The following SLC38A6 variants were observed in gnomAD, a reference collection of about 807,000 sequenced individuals.
SLC38A6 encodes the protein solute carrier family 38 member 6.
In SLC38A6, 73 loss-of-function variants were observed where a neutral mutation model predicts 65.0. The ratio of observed to expected loss-of-function variants is 1.12; its 90% CI spans 0.93 to 1.37. SLC38A6 has a LOEUF of 1.37. Among genes scored for constraint, SLC38A6 ranks in the 40% most tolerant of loss-of-function variants. SLC38A6 has a pLI of 0.00. For synonymous variants in SLC38A6, 183 were observed against 178.8 expected (o/e 1.02, Z -0.19); for missense variants, 561 against 531.1 (o/e 1.06, Z -0.55).
intron 12 of SLC38A6, among the ~76,000 whole-genome samples, chr14:61,048,594 A>T (rs1419173499): frequency 6.6e-6 from 1 of 152,184 alleles, no homozygotes; most frequent in Non-Finnish European, 1.5e-5. Flanking sequence ...GACATGTGAC[A>T]TCTATTTTGA....
At chr14:61,048,792 A>G (rs1328540029) in intron 12 of SLC38A6, among the ~76,000 whole-genome samples, 1 of 152,190 alleles carries the variant, frequency 6.6e-6, no homozygotes, top group East Asian at 1.9e-4. Flanking sequence ...GAGCCAGGCC[A>G]GTGCCCAAAT....
At chr14:61,020,307 T>C (rs530260871) in intron 5 of SLC38A6, among the ~76,000 whole-genome samples, 27 of 152,198 alleles carry the variant, frequency 1.8e-4, no homozygotes, top group African/African-American at 5.8e-4. Flanking sequence ...ATAAATGCTC[T>C]TAAAGGAAAA....
At chr14:61,005,483 G>C (rs550443507) in intron 3 of SLC38A6, among the ~76,000 whole-genome samples, 128 of 150,246 alleles carry the variant, frequency 8.5e-4, no homozygotes, top group African/African-American at 2.9e-3. Flanking sequence ...CTTCAGCAAA[G>C]TCTCAGGATA....
rs550138758 is a variant in SLC38A6, at chr14:61,063,019, T to C, written c.1290+10884T>C. Among the ~76,000 whole-genome samples, 685 of 152,314 alleles carry C rather than the reference T, an allele frequency of 4.5e-3. 4 individuals are homozygous for C. The highest frequency in any genetic ancestry group is 7.1e-3 in the Non-Finnish European group (480 of 68,032). On this transcript the variant is annotated intron_variant, in intron 15 of 16. Transcript: ENST00000354886. ...TATGTGTTTTGCAAAGATTTTTTTT[T>C]CCCCATTTTGTGGCTTGCTGTTTTA...
rs760270282 is a variant in SLC38A6, at chr14:61,047,945, AGAT to A, written c.925+1782_925+1784del. Among the ~76,000 whole-genome samples, 146 of 152,112 alleles carry A rather than the reference AGAT, an allele frequency of 9.6e-4. No homozygotes were observed. In the Middle Eastern group the frequency reaches 0.014, roughly 14 times the overall value. On this transcript the variant is annotated intron_variant, in intron 12 of 15. Transcript: ENST00000267488. ...TAGGCAGATAGATGGGTGGATGAAT[AGAT>A]GATAGATTAGATAGATAGATAGATA...
intron 5 of SLC38A6, among the ~76,000 whole-genome samples, chr14:61,022,544 ATTT>A (rs2040399571): frequency 1.3e-5 from 2 of 151,108 alleles, no homozygotes; most frequent in South Asian, 4.2e-4. Flanking sequence ...ATTAAAATGG[ATTT>A]TGATTATTTT....
chr14:60,997,654 G>C (rs1368398000), intron 3 of SLC38A6, among the ~76,000 whole-genome samples: 1 of 152,164 alleles, frequency 6.6e-6, no homozygotes, highest in Admixed American at 6.6e-5. Context: ...GAATAAAATA[G>C]GGATTGAACC....
In SLC38A6 at chr14:61,066,931, T is replaced by C. The variant is rs144798831; in HGVS notation, c.1291-11879T>C. Among the ~76,000 whole-genome samples, 232 of 152,216 alleles carry C rather than the reference T, an allele frequency of 1.5e-3. 1 individual carries two copies. Among genetic ancestry groups the C allele is most frequent in the African/African-American group, 5.4e-3 (223 of 41,546 alleles). On this transcript the variant is annotated intron_variant, in intron 15 of 16. Coordinates refer to the SLC38A6 transcript ENST00000354886. The stretch of plus-strand genomic sequence containing the variant: ...TCATTCAGCAAATTCTTAGCACATA[T>C]TATGTCCTAGAAGTTGAGCTAGTCC...
At chr14:61,033,179 T>TA (rs930897463) in intron 6 of SLC38A6, among the ~76,000 whole-genome samples, 17 of 152,038 alleles carry the variant, frequency 1.1e-4, no homozygotes, top group Non-Finnish European at 2.1e-4. Context: ...ACATAATTGA[T>TA]ATGGGATGTG....
At chr14:61,006,906 A>G (rs985712103) in intron 3 of SLC38A6, among the ~76,000 whole-genome samples, 3 of 152,210 alleles carry the variant, frequency 2.0e-5, no homozygotes, top group Non-Finnish European at 2.9e-5. Flanking sequence ...CACAATAGCA[A>G]AGACTTGGAA....
At chr14:60,989,717 C>T (rs140257829) in intron 3 of SLC38A6, among the ~76,000 whole-genome samples, 1 of 152,156 alleles carries the variant, frequency 6.6e-6, no homozygotes, top group African/African-American at 2.4e-5. Context: ...GGAGTGAAAC[C>T]CTGTCTCCAA....
intron 3 of SLC38A6, among the ~76,000 whole-genome samples, chr14:60,998,031 A>T (rs907244074): frequency 5.3e-5 from 8 of 151,212 alleles, no homozygotes; most frequent in African/African-American, 1.9e-4. Context: ...TCATAGTCTA[A>T]TAGGGGAAAC....
At chr14:61,045,867 C>A (rs1284389772) in intron 11 of SLC38A6, among the ~76,000 whole-genome samples, 200 bp from the exon 12 acceptor site, 3 of 149,730 alleles carry the variant, frequency 2.0e-5, no homozygotes, top group Non-Finnish European at 4.4e-5. Context: ...GCCTGGGCGA[C>A]AGAGCAAGAC....
intron 3 of SLC38A6, among the ~76,000 whole-genome samples, chr14:61,000,367 C>T (rs1004580168): frequency 1.4e-4 from 21 of 152,238 alleles, no homozygotes; most frequent in Admixed American, 1.0e-3. Flanking sequence ...CAGTGGCTCA[C>T]GCCTATAATC....
chr14:61,052,504 T>C lies in SLC38A6; in HGVS notation c.*75T>C. On this transcript the variant is annotated 3_prime_UTR_variant, in exon 16 of 16. Transcript: ENST00000267488. ...GAATGAATTATTCCGGAAGACACCC[T>C]GGATGAAAAATAACATTTTAATAAA... 1.4e-6 allele frequency: 2 copies of C among 1,476,434 alleles called. No individual in the cohort carries two copies. The highest frequency in any genetic ancestry group is 1.8e-6 in the Non-Finnish European group (2 of 1,121,236). 91.5% of individuals were successfully genotyped at this position (1,476,434 alleles called of 1,614,324 possible).
intron 4 of SLC38A6, 139 bp from the exon 5 acceptor site, chr14:61,019,402 G>A (rs2040219858): frequency 1.5e-6 from 1 of 646,904 alleles, no homozygotes. Flanking sequence ...TATTTCAAAT[G>A]ACTGGCAGAT....
intron 15 of SLC38A6, among the ~76,000 whole-genome samples, chr14:61,063,904 G>A (rs1021777356): frequency 2.0e-5 from 3 of 152,134 alleles, no homozygotes; most frequent in African/African-American, 4.8e-5. Flanking sequence ...TATAAATTAG[G>A]TGCAGACCAA....
chr14:61,021,181 C>G (rs1437805457), intron 5 of SLC38A6, among the ~76,000 whole-genome samples: 1 of 152,086 alleles, frequency 6.6e-6, no homozygotes. Context: ...GCACCTATTA[C>G]ACCTGGGAAT....
At chr14:61,081,373 A>T (rs1013542092) in intron 16 of SLC38A6, among the ~76,000 whole-genome samples, 1 of 114,490 alleles carries the variant, frequency 8.7e-6, no homozygotes, top group Non-Finnish European at 2.1e-5. Context: ...GAAATCCCAG[A>T]CCCATCTTCC....
Sources: gnomAD v4.1 joint callset for allele counts (sites outside exome capture counted in the v4.1 genomes callset) on GRCh38, gnomAD v4.1.1 for gene constraint, MANE v1.5 for transcripts, NCBI Gene and HGNC (gene_info 2026-07-23, HGNC 2026-07-21) for gene names.